The following NDE1 variants were observed in gnomAD, a reference collection of about 807,000 sequenced individuals.
NDE1 encodes nuclear distribution protein nudE homolog 1.
NDE1 carries 28 observed loss-of-function variants against 43.4 expected under a neutral mutation model. The ratio of observed to expected loss-of-function variants is 0.65; its 90% CI spans 0.48 to 0.89. NDE1 has a LOEUF of 0.89. Ranked by LOEUF, NDE1 falls within the 40% of genes least tolerant of loss-of-function variation. The pLI is 0.00. For synonymous variants in NDE1, 184 were observed against 172.0 expected (o/e 1.07, Z -0.55); for missense variants, 441 against 434.1 (o/e 1.02, Z -0.14).
chr16:15,718,417 C>G, intron 8 of NDE1: 1 of 1,581,248 alleles, frequency 6.3e-7, no homozygotes, highest in Non-Finnish European at 8.6e-7. Flanking sequence ...CCAGGCGGCG[C>G]TTCTCGTCCT....
At chr16:15,694,022 T>C (rs2038885753) in intron 6 of NDE1, 143 bp from the exon 7 acceptor site, 2 of 978,578 alleles carry the variant, frequency 2.0e-6, no homozygotes, top group Non-Finnish European at 3.1e-6. Context: ...TGCGGTTAAC[T>C]ACGGAAAGAA....
chr16:15,722,905 G>A (rs141871521), intron 8 of NDE1, among the ~76,000 whole-genome samples: 21 of 152,192 alleles, frequency 1.4e-4, no homozygotes, highest in Admixed American at 1.3e-3. Flanking sequence ...CACCACGCCC[G>A]GCTAATTTTG....
At chr16:15,644,593 C>A (rs1185226324) in intron 1 of NDE1, among the ~76,000 whole-genome samples, 2 of 152,024 alleles carry the variant, frequency 1.3e-5, no homozygotes, top group East Asian at 1.9e-4. Context: ...GACTGGGAAA[C>A]GGTGAAACCC....
At chr16:15,710,688 GTTTTTTT>G (rs202074294) in intron 8 of NDE1, among the ~76,000 whole-genome samples, 1 of 147,518 alleles carries the variant, frequency 6.8e-6, no homozygotes, top group African/African-American at 2.5e-5. Context: ...TTTGTTTTTT[GTTTTTTT>G]TTTGGAGACA....
chr16:15,672,824 TGA>T (rs1423583557), intron 3 of NDE1: 1 of 152,214 alleles, frequency 6.6e-6, no homozygotes, highest in Non-Finnish European at 1.5e-5. Flanking sequence ...ATAAAGGGTG[TGA>T]GGCGATGAGA....
At chr16:15,695,397 A>T in intron 7 of NDE1, 1 of 656,398 alleles carries the variant, frequency 1.5e-6, no homozygotes, top group Non-Finnish European at 1.9e-6. Context: ...GATCCCAGCT[A>T]CTTGAGAGGC....
At position 15,718,912 on chromosome 16, in the gene NDE1, A is replaced by G. The variant is rs1364433774; in HGVS notation, c.948-5279A>G. On this transcript the variant is annotated intron_variant, in intron 8 of 8. Coordinates refer to ENST00000396354, the MANE Select transcript of NDE1 (RefSeq NM_017668.3). Reference sequence around the variant, plus strand: ...GGAGGCCAAGGTAGGAGGATCACCTAAGGTCAGGAGTTCAAGACTAGCCTG... The same window carrying G: ...GGAGGCCAAGGTAGGAGGATCACCTGAGGTCAGGAGTTCAAGACTAGCCTG... 15 of 424,650 alleles carry G rather than the reference A, an allele frequency of 3.5e-5. No individual in the cohort carries two copies. The East Asian group carries it at 7.4e-4, about 21-fold the overall frequency. The allele number at this position is 424,650 out of a possible 1,614,324, so 26.3% of individuals were successfully genotyped here. A position where few individuals can be genotyped will look rare whatever the true frequency, so the allele number is the denominator to read the frequency against.
intron 5 of NDE1, 45 bp downstream of exon 5, chr16:15,687,556 A>G: frequency 1.3e-6 from 2 of 1,523,470 alleles, no homozygotes; most frequent in Non-Finnish European, 1.8e-6. Context: ...CCCTCTCCCT[A>G]CCTGAGCAAC....
intron 4 of NDE1, among the ~76,000 whole-genome samples, chr16:15,680,972 AT>A (rs1472054144): frequency 6.6e-6 from 1 of 151,568 alleles, no homozygotes; most frequent in Non-Finnish European, 1.5e-5. Flanking sequence ...TTGAAAAAAA[AT>A]TTTTTATACA....
At chr16:15,664,947 G>C (rs573777589) in intron 2 of NDE1, 86 bp downstream of exon 2, 4 of 1,033,092 alleles carry the variant, frequency 3.9e-6, no homozygotes, top group Non-Finnish European at 5.9e-6. Flanking sequence ...TGCGGTGGCT[G>C]TTCCTAGGCG....
intron 8 of NDE1, among the ~76,000 whole-genome samples, chr16:15,697,917 CT>C (rs1474267010): frequency 1.3e-5 from 2 of 151,746 alleles, no homozygotes; most frequent in African/African-American, 4.8e-5. Flanking sequence ...AGCAATTCTC[CT>C]GCCTCAGCCT....
intron 1 of NDE1, among the ~76,000 whole-genome samples, chr16:15,662,310 T>C (rs1284355271): frequency 2.2e-5 from 3 of 139,322 alleles, no homozygotes; most frequent in East Asian, 4.2e-4. Context: ...TGAGATGGAG[T>C]CTTGATCTGT....
In NDE1 at chr16:15,664,718, T is replaced by A. The variant is rs1044549565; in HGVS notation, c.-43-18T>A. On this transcript the variant is annotated intron_variant, in intron 1 of 8. Coordinates refer to ENST00000396354, the MANE Select transcript of NDE1 (RefSeq NM_017668.3). ...TTTAACCAGATGTGGGTAATCATTT[T>A]GAAACCTTCTCTCCTAGACACCATG... 1.9e-5 allele frequency: 25 copies of A among 1,330,704 alleles called. No homozygotes were observed. Among genetic ancestry groups the A allele is most frequent in the Middle Eastern group, 1.8e-4 (1 of 5,540 alleles). The allele number at this position is 1,330,704 out of a possible 1,614,324, so 82.4% of individuals were successfully genotyped here. A position where few individuals can be genotyped will look rare whatever the true frequency, so the allele number is the denominator to read the frequency against.
At position 15,725,610 on chromosome 16, in the gene NDE1, G is replaced by A. The variant is rs1179201387; in HGVS notation, c.*1359G>A. 2.5e-6 allele frequency: 1 copy of A among 405,186 alleles called. No individual in the cohort carries two copies. The highest frequency in any genetic ancestry group is 4.1e-5 in the Admixed American group (1 of 24,406). The allele number at this position is 405,186 out of a possible 1,614,324, so 25.1% of individuals were successfully genotyped here. A position where few individuals can be genotyped will look rare whatever the true frequency, so the allele number is the denominator to read the frequency against. ...TCTCTTCCATTGACAAGGAGGATAT[G>A]AATGATCTTGACACTGCTTATATGA... On this transcript the variant is annotated 3_prime_UTR_variant, in exon 9 of 9. Transcript: ENST00000396354.
intron 1 of NDE1, among the ~76,000 whole-genome samples, chr16:15,644,892 A>G (rs1258075022): frequency 6.6e-6 from 1 of 152,012 alleles, no homozygotes; most frequent in Admixed American, 6.6e-5. Context: ...GAAAACATCA[A>G]AGAATGCAGA....
rs16967589 is a variant in NDE1, at chr16:15,667,926, T to A, written c.237+487T>A. Reference sequence around the variant, plus strand: ...CACACACATGTTCCCGTGGACTTTCTTGGTTGTGTACACTGATTTTATAGG... The same window carrying A: ...CACACACATGTTCCCGTGGACTTTCATGGTTGTGTACACTGATTTTATAGG... On this transcript the variant is annotated intron_variant, in intron 3 of 8. Coordinates refer to ENST00000396354, the MANE Select transcript of NDE1 (RefSeq NM_017668.3). 4.8e-3 allele frequency among the ~76,000 whole-genome samples: 730 copies of A among 151,926 alleles called. 36 individuals are homozygous for A. In the East Asian group the frequency reaches 0.11, roughly 24 times the overall value.
At chr16:15,673,405 G>A (rs758952110) in intron 3 of NDE1, among the ~76,000 whole-genome samples, 1 of 151,860 alleles carries the variant, frequency 6.6e-6, no homozygotes, top group Non-Finnish European at 1.5e-5. Context: ...GGGTTTCACC[G>A]TGTTGGCCAG....
intron 8 of NDE1, among the ~76,000 whole-genome samples, chr16:15,705,984 C>CAAAAAAAAA (rs57451847): frequency 0.21 from 11,835 of 56,364 alleles, 2,761 homozygotes; most frequent in Admixed American, 0.22. Flanking sequence ...GACTCCGTCT[C>CAAAAAAAAA]AAAAAAAAAA....
intron 7 of NDE1, among the ~76,000 whole-genome samples, chr16:15,696,200 A>T (rs901602309): frequency 4.0e-5 from 6 of 149,800 alleles, no homozygotes; most frequent in Admixed American, 1.3e-4. Flanking sequence ...ATTAAAAAAA[A>T]TTTTTTGCAT....
Sources: gnomAD v4.1 joint callset for allele counts (sites outside exome capture counted in the v4.1 genomes callset) on GRCh38, gnomAD v4.1.1 for gene constraint, MANE v1.5 for transcripts, NCBI Gene and HGNC (gene_info 2026-07-23, HGNC 2026-07-21) for gene names.